The following TPD52 variants were observed in gnomAD, a reference collection of about 807,000 sequenced individuals.
TPD52 encodes the protein tumor protein D52, also known as prostate and colon associated protein.
In TPD52, 17 loss-of-function variants were observed where a neutral mutation model predicts 31.3. The ratio of observed to expected loss-of-function variants is 0.54; its 90% confidence interval spans 0.37 to 0.82. The LOEUF (loss-of-function observed/expected upper bound fraction) is 0.82. TPD52 is among the 40% of genes least tolerant of loss of function. The probability of loss-of-function intolerance (pLI) is 0.00; values close to 1 mark genes in which losing one functional copy is unlikely to be tolerated. For missense variants in TPD52, 212 were observed against 240.1 expected (o/e 0.88, Z 0.77); for synonymous variants, 83 against 89.6 (o/e 0.93, Z 0.42).
intron 1 of TPD52, among the ~76,000 whole-genome samples, chr8:80,113,273 A>C (rs1196583499): frequency 1.5e-5 from 2 of 132,108 alleles, no homozygotes; most frequent in Non-Finnish European, 1.7e-5. Flanking sequence ...AAAAAGAAAA[A>C]AAAAAAAAAC....
intron 1 of TPD52, among the ~76,000 whole-genome samples, chr8:80,116,265 C>T (rs1807857052): frequency 6.6e-6 from 1 of 152,136 alleles, no homozygotes; most frequent in South Asian, 2.1e-4. Flanking sequence ...ACAAAAAGAT[C>T]TCTAAAATAT....
intron 1 of TPD52, among the ~76,000 whole-genome samples, chr8:80,166,729 C>A (rs1427154804): frequency 1.3e-5 from 2 of 151,370 alleles, no homozygotes; most frequent in Non-Finnish European, 2.9e-5. Context: ...CATGATGAAA[C>A]CCCATCTCTA....
At chr8:80,038,848 A>G (rs1290024446) in intron 7 of TPD52, among the ~76,000 whole-genome samples, 3 of 152,230 alleles carry the variant, frequency 2.0e-5, no homozygotes, top group African/African-American at 7.2e-5. Flanking sequence ...TCATGTGCAC[A>G]TTATAGTTTG....
intron 1 of TPD52, among the ~76,000 whole-genome samples, chr8:80,070,991 A>T (rs940204609): frequency 2.6e-5 from 4 of 152,152 alleles, no homozygotes; most frequent in Admixed American, 6.5e-5. Flanking sequence ...CTCAGAGAAG[A>T]GATTATGTGA....
At chr8:80,144,243 T>G (rs1177774884) in intron 1 of TPD52, among the ~76,000 whole-genome samples, 1 of 152,186 alleles carries the variant, frequency 6.6e-6, no homozygotes, top group African/African-American at 2.4e-5. Flanking sequence ...ATATTCCAAT[T>G]AGTACATAAA....
intron 1 of TPD52, among the ~76,000 whole-genome samples, chr8:80,122,021 A>AAT: frequency 1.1e-5 from 1 of 91,630 alleles, no homozygotes; most frequent in Non-Finnish European, 2.0e-5. Flanking sequence ...ACACCTTCAA[A>AAT]AGAAAAAAAA....
At chr8:80,059,909 C>T (rs573115448) in intron 2 of TPD52, among the ~76,000 whole-genome samples, 4 of 151,584 alleles carry the variant, frequency 2.6e-5, no homozygotes, top group South Asian at 2.1e-4. Flanking sequence ...GGTGAAACCT[C>T]GTCTCTACTA....
intron 1 of TPD52, among the ~76,000 whole-genome samples, chr8:80,137,287 G>GT (rs1226102475): frequency 1.3e-5 from 2 of 152,302 alleles, no homozygotes. Flanking sequence ...GCACAACTCT[G>GT]TAAGTTTACT....
intron 1 of TPD52, among the ~76,000 whole-genome samples, chr8:80,154,170 TATC>T (rs1162992108): frequency 2.0e-5 from 3 of 152,114 alleles, no homozygotes; most frequent in Non-Finnish European, 4.4e-5. Context: ...AAAATAATAT[TATC>T]ATCAAAAGCT....
intron 1 of TPD52, among the ~76,000 whole-genome samples, chr8:80,139,242 TAGC>T (rs1809647739): frequency 1.3e-5 from 2 of 152,222 alleles, no homozygotes; most frequent in African/African-American, 4.8e-5. Flanking sequence ...TTGTTTCTAA[TAGC>T]AGCTTGAGAA....
intron 1 of TPD52, among the ~76,000 whole-genome samples, chr8:80,095,079 A>G (rs1022393205): frequency 2.6e-5 from 4 of 152,216 alleles, no homozygotes; most frequent in Non-Finnish European, 4.4e-5. Flanking sequence ...GTGAATGGTC[A>G]TAGTGGCTTT....
At chr8:80,067,466 A>G (rs1164159442) in intron 1 of TPD52, 1 of 152,204 alleles carries the variant, frequency 6.6e-6, no homozygotes, top group Non-Finnish European at 1.5e-5. Flanking sequence ...TATTAACCAC[A>G]GCCACCATGA....
At chr8:80,159,778 C>G (rs2131247831) in intron 1 of TPD52, among the ~76,000 whole-genome samples, 1 of 152,340 alleles carries the variant, frequency 6.6e-6, no homozygotes, top group South Asian at 2.1e-4. Flanking sequence ...AGCTGGAAAA[C>G]TTAATTGTAA....
At chr8:80,149,510 A>G (rs1381785075) in intron 1 of TPD52, among the ~76,000 whole-genome samples, 1 of 152,234 alleles carries the variant, frequency 6.6e-6, no homozygotes, top group Admixed American at 6.5e-5. Context: ...GCTGCTTGTA[A>G]AGATACCCAA....
rs1272370247 is a variant in TPD52, at chr8:80,064,601, G to A, written c.20-8C>T. ...GGTCTGTTCTCAGCAGACCTGGTTG[G>A]GGATTTAAACCATTTTTTAAAGTGC... On this transcript the variant is annotated splice_region_variant and splice_polypyrimidine_tract_variant and intron_variant, in intron 1 of 7. Transcript: ENST00000518937. The A allele has an allele frequency of 6.2e-7, 1 of 1,610,288 alleles. No individual in the cohort carries two copies. The highest frequency in any genetic ancestry group is 1.1e-5 in the South Asian group (1 of 90,964).
intron 5 of TPD52, among the ~76,000 whole-genome samples, chr8:80,045,793 T>C (rs1029513768): frequency 2.4e-4 from 37 of 152,362 alleles, no homozygotes; most frequent in African/African-American, 8.2e-4. Flanking sequence ...AAAAAAACTT[T>C]GTATTTGTGC....
At chr8:80,055,901 G>A (rs1028604467) in intron 2 of TPD52, among the ~76,000 whole-genome samples, 1 of 152,138 alleles carries the variant, frequency 6.6e-6, no homozygotes, top group African/African-American at 2.4e-5. Flanking sequence ...TGCTGGCAAG[G>A]ATCCAGAGAA....
intron 1 of TPD52, among the ~76,000 whole-genome samples, chr8:80,149,398 G>A (rs1810422712): frequency 6.7e-6 from 1 of 149,630 alleles, no homozygotes; most frequent in South Asian, 2.1e-4. Flanking sequence ...GGAACTATGA[G>A]TCAATTAAGC....
intron 1 of TPD52, among the ~76,000 whole-genome samples, chr8:80,107,398 A>G (rs1169223471): frequency 6.6e-6 from 1 of 152,236 alleles, no homozygotes; most frequent in African/African-American, 2.4e-5. Context: ...TACAGGGTTA[A>G]GTAAGTTAGC....
Sources: gnomAD v4.1 joint callset for allele counts (sites outside exome capture counted in the v4.1 genomes callset) on GRCh38, gnomAD v4.1.1 for gene constraint, MANE v1.5 for transcripts, NCBI Gene and HGNC (gene_info 2026-07-23, HGNC 2026-07-21) for gene names.